DSG2: variants seen among roughly 807,000 people sequenced by gnomAD.
DSG2 encodes the protein desmoglein 2, also known as desmoglein-2.
In DSG2, 45 loss-of-function variants were observed where a neutral mutation model predicts 75.6. That is an observed-to-expected ratio of 0.60 (90% CI 0.47 to 0.76). The LOEUF (loss-of-function observed/expected upper bound fraction) is 0.76, where lower values mean the gene tolerates loss of function less well. DSG2 is among the 30% of genes least tolerant of loss of function. The pLI, the probability that DSG2 is intolerant of heterozygous loss-of-function variation, is 0.00. For missense variants in DSG2, 1,267 were observed against 1,357.4 expected, an observed-to-expected ratio of 0.93 and a Z score of 1.05; for synonymous variants, 429 against 483.9, an observed-to-expected ratio of 0.89 and a Z score of 1.49.
At chr18:31,528,136 A>G (rs1451238325) in intron 8 of DSG2, among the ~76,000 whole-genome samples, 1 of 152,074 alleles carries the variant, frequency 6.6e-6, no homozygotes, top group African/African-American at 2.4e-5. Flanking sequence ...AGGCAGTTTG[A>G]CAGTTTCTTT....
rs776269081 is a variant in DSG2, at chr18:31,531,224, G to A, written c.1252G>A (p.Glu418Lys). 6.2e-7 allele frequency: 1 copy of A among 1,614,170 alleles called. No homozygotes were observed. The highest frequency in any genetic ancestry group is 1.7e-5 in the Admixed American group (1 of 60,016). ...AATTGGAAATTTTCAAGCTTTTGAT[G>A]AGGACACTGGACTACCAGCCCATGC... ...QIIGNFQAFDEDTGLPAHARY... is the reference protein window; with the variant it reads ...QIIGNFQAFDKDTGLPAHARY... Residue 418 changes from glutamate (E) to lysine (K), a missense_variant, in exon 9 of 15, where the codon GAG becomes AAG. Glu to Lys is a moderately conservative substitution (Grantham distance 56, BLOSUM62 1). Coordinates refer to ENST00000261590, the MANE Select transcript of DSG2 (RefSeq NM_001943.5).
chr18:31,502,736 G>A (rs181225329), intron 1 of DSG2, among the ~76,000 whole-genome samples: 2 of 152,062 alleles, frequency 1.3e-5, no homozygotes, highest in East Asian at 3.9e-4. Context: ...GGGTGACAGA[G>A]GGAGACTCTG....
chr18:31,538,212 A>G (rs1365367061), intron 11 of DSG2, among the ~76,000 whole-genome samples: 2 of 152,208 alleles, frequency 1.3e-5, no homozygotes, highest in African/African-American at 4.8e-5. Context: ...TATTCTTTCA[A>G]CTTTTCTGTA....
chr18:31,509,798 C>T (rs1010624683), intron 1 of DSG2, among the ~76,000 whole-genome samples: 10 of 152,198 alleles, frequency 6.6e-5, no homozygotes, highest in Admixed American at 1.3e-4. Context: ...ACAGAGCCTT[C>T]TTTGTGGCTA....
intron 8 of DSG2, among the ~76,000 whole-genome samples, chr18:31,529,549 A>C (rs563138177): frequency 2.8e-4 from 43 of 152,310 alleles, no homozygotes; most frequent in African/African-American, 1.0e-3. Context: ...ATAGTGATCC[A>C]TATTTTTAAA....
At chr18:31,517,940 G>A (rs1206368540) in intron 1 of DSG2, among the ~76,000 whole-genome samples, 4 of 152,196 alleles carry the variant, frequency 2.6e-5, no homozygotes, top group Non-Finnish European at 5.9e-5. Context: ...ACCATAGGAT[G>A]CGGAGTAAAG....
chr18:31,527,422 C>T (rs1191823759), intron 8 of DSG2, among the ~76,000 whole-genome samples: 1 of 150,872 alleles, frequency 6.6e-6, no homozygotes, highest in African/African-American at 2.4e-5. Flanking sequence ...TATGATAGCA[C>T]AAAAAAAGGG....
chr18:31,530,807 C>A lies in DSG2; in HGVS notation c.1015-180C>A, dbSNP rs58713979. Among the ~76,000 whole-genome samples, 3,860 of 152,136 alleles carry A rather than the reference C, an allele frequency of 0.025. 176 individuals carry two copies. The highest frequency in any genetic ancestry group is 0.087 in the African/African-American group (3,605 of 41,492). ...AAACATCCTTAACATTTATGACTAT[C>A]CAGATTGACAGAATTTTTATTTGCT... is the stretch of plus-strand genomic sequence containing the variant. On this transcript the variant is annotated intron_variant, in intron 8 of 14. Coordinates refer to ENST00000261590, the MANE Select transcript of DSG2 (RefSeq NM_001943.5).
At position 31,521,230 on chromosome 18, in the gene DSG2, G is replaced by A; in HGVS notation, c.510G>A (p.Glu170=). 1 of 1,611,806 alleles carries A rather than the reference G, an allele frequency of 6.2e-7. No homozygotes were observed. Among genetic ancestry groups the A allele is most frequent in the South Asian group, 1.1e-5 (1 of 90,930 alleles). ...TQDVFVGSVE[E]LSAAHTLVMK... is the part of the protein sequence containing the mutation. Reference sequence around the variant, plus strand: ...ATGTCTTTGTTGGGTCTGTTGAAGAGTTGAGTGCAGCACGTAAGAGTCTTT... The same window carrying A: ...ATGTCTTTGTTGGGTCTGTTGAAGAATTGAGTGCAGCACGTAAGAGTCTTT... Residue 170 remains glutamate (E), a synonymous_variant, in exon 5 of 15, where the codon GAG becomes GAA. Coordinates refer to ENST00000261590, the MANE Select transcript of DSG2 (RefSeq NM_001943.5).
chr18:31,517,279 G>A (rs1375844131), intron 1 of DSG2, among the ~76,000 whole-genome samples: 4 of 152,188 alleles, frequency 2.6e-5, no homozygotes, highest in Non-Finnish European at 5.9e-5. Context: ...TAGTGGGGAG[G>A]TGGGGGAAGA....
intron 1 of DSG2, among the ~76,000 whole-genome samples, chr18:31,511,646 T>C (rs1463761957): frequency 6.6e-6 from 1 of 152,218 alleles, no homozygotes; most frequent in African/African-American, 2.4e-5. Context: ...GCTACTGCAA[T>C]ACGTGCTATA....
chr18:31,519,765 G>A (rs1437899547), intron 2 of DSG2, 38 bp from the exon 3 acceptor site: 1 of 1,595,968 alleles, frequency 6.3e-7, no homozygotes. Context: ...CTATATTTAT[G>A]ACACATAATA....
Position 31,522,183 on chromosome 18 carries a change from T to G in DSG2, c.624T>G (p.Pro208=), listed in dbSNP as rs1275487240. The G allele has an allele frequency of 2.5e-6, 4 of 1,613,804 alleles. No homozygotes were observed. Among genetic ancestry groups the G allele is most frequent in the Non-Finnish European group, 3.4e-6 (4 of 1,179,856 alleles). Residue 208 remains proline, a synonymous_variant, in exon 6 of 15, where the codon CCT becomes CCG. Coordinates refer to ENST00000261590, the MANE Select transcript of DSG2 (RefSeq NM_001943.5). The part of the protein sequence containing the change: ...YRIVSLEPAY[P]PVFYLNKDTG... ...TCGTATCTCTGGAGCCTGCTTATCC[T>G]CCAGTGTTCTACCTAAATAAAGATA...
intron 1 of DSG2, among the ~76,000 whole-genome samples, chr18:31,514,558 T>A (rs1028794805): frequency 6.6e-6 from 1 of 152,220 alleles, no homozygotes; most frequent in South Asian, 2.1e-4. Context: ...GACTGTTGTT[T>A]GTACCTAAAC....
rs2073117625 is a variant in DSG2, at chr18:31,519,878, A to G, written c.157A>G (p.Thr53Ala). The G allele has an allele frequency of 6.2e-7, 1 of 1,614,136 alleles. No homozygotes were observed. The highest frequency in any genetic ancestry group is 8.5e-7 in the Non-Finnish European group (1 of 1,180,026). Residue 53 changes from threonine (T) to alanine (A), a missense_variant, in exon 3 of 15, where the codon ACC (threonine) becomes GCC (alanine). Thr to Ala is a moderately conservative substitution (Grantham distance 58). Coordinates refer to ENST00000261590, the MANE Select transcript of DSG2 (RefSeq NM_001943.5). ...HLVRQKRAWI[T>A]APVALREGED... Reference sequence around the variant, plus strand: ...AGTGCGGCAAAAGCGCGCCTGGATCACCGCCCCCGTGGCTCTTCGGGAGGG... The same window carrying G: ...AGTGCGGCAAAAGCGCGCCTGGATCGCCGCCCCCGTGGCTCTTCGGGAGGG...
chr18:31,517,896 A>G (rs998346357), intron 1 of DSG2, among the ~76,000 whole-genome samples: 3 of 152,156 alleles, frequency 2.0e-5, no homozygotes, highest in Non-Finnish European at 2.9e-5. Flanking sequence ...GCCTCGAGGA[A>G]AAGTAAGCAG....
In DSG2 at chr18:31,541,296, A is replaced by C. The variant is rs1419115728; in HGVS notation, c.1983A>C (p.Gly661=). ...TGCTGCATCCTTGGAATAATGAAGG[A>C]GCACCACCTGAAGACAAGGTCAGTG... ...IEMLHPWNNE[G]APPEDKVVPS... is the part of the protein sequence containing the mutation. Residue 661 remains glycine, a synonymous_variant, in exon 13 of 15, where the codon GGA becomes GGC. Transcript: ENST00000261590. 2 of 1,614,068 alleles carry C rather than the reference A, an allele frequency of 1.2e-6. No homozygotes were observed. The highest frequency in any genetic ancestry group is 4.5e-5 in the East Asian group (2 of 44,872).
chr18:31,541,096 G>T, intron 12 of DSG2, 97 bp from the exon 13 acceptor site: 1 of 1,479,672 alleles, frequency 6.8e-7, no homozygotes, highest in Non-Finnish European at 9.4e-7. Flanking sequence ...GTGAAGACAA[G>T]TCCAGGAAGG....
intron 7 of DSG2, 50 bp from the exon 8 acceptor site, chr18:31,524,653 C>T (rs1052603056): frequency 6.2e-7 from 1 of 1,603,376 alleles, no homozygotes; most frequent in African/African-American, 1.3e-5. Flanking sequence ...AAATATATCA[C>T]TTATATTTGT....
Sources: allele counts gnomAD v4.1 joint callset (sites outside exome capture counted in the v4.1 genomes callset), GRCh38; gene constraint gnomAD v4.1.1; transcripts MANE v1.5; gene names NCBI Gene and HGNC (gene_info 2026-07-23, HGNC 2026-07-21).